Variants in TTC7A observed in about 807,000 individuals in gnomAD.
The protein encoded by TTC7A is tetratricopeptide repeat domain 7A.
Under a neutral mutation model 103.7 loss-of-function variants are expected in TTC7A, and 110 were observed. That is an observed-to-expected ratio of 1.06 (90% CI 0.91 to 1.24). The LOEUF (loss-of-function observed/expected upper bound fraction) is 1.24, where lower values mean the gene tolerates loss of function less well. TTC7A is among the 50% of genes most tolerant of loss of function. The pLI is 0.00. For missense variants in TTC7A, 1,340 were observed against 1,116.3 expected (o/e 1.20, Z -2.86); for synonymous variants, 521 against 467.9 (o/e 1.11, Z -1.47).
At chr2:46,928,552 T>A (rs1245005396) in intron 2 of TTC7A, among the ~76,000 whole-genome samples, 1 of 151,470 alleles carries the variant, frequency 6.6e-6, no homozygotes, top group African/African-American at 2.4e-5. Context: ...GGTGGATTGC[T>A]GGAACTCAGG....
chr2:47,055,736 G>T (rs1411468805), intron 18 of TTC7A, among the ~76,000 whole-genome samples: 9 of 152,182 alleles, frequency 5.9e-5, no homozygotes, highest in Admixed American at 5.2e-4. Context: ...CAGCTCCCCA[G>T]TGCCAGACTC....
At chr2:46,949,442 A>G (rs1319401747) in intron 1 of TTC7A, among the ~76,000 whole-genome samples, 2 of 152,108 alleles carry the variant, frequency 1.3e-5, no homozygotes, top group East Asian at 3.9e-4. Flanking sequence ...CATGTTGGCC[A>G]GGCTGGTCTC....
At chr2:47,061,818 A>G (rs1291899206) in intron 19 of TTC7A, among the ~76,000 whole-genome samples, 1 of 152,020 alleles carries the variant, frequency 6.6e-6, no homozygotes, top group Non-Finnish European at 1.5e-5. Flanking sequence ...GAGAACATGT[A>G]TCCGGATAAA....
intron 3 of TTC7A, among the ~76,000 whole-genome samples, chr2:46,970,491 C>G (rs72806537): frequency 0.062 from 9,455 of 152,318 alleles, 309 homozygotes; most frequent in Non-Finnish European, 0.072. Context: ...CTGGCATCAC[C>G]CATCCCAGTG....
chr2:47,058,840 T>G (rs1207263564), intron 18 of TTC7A, among the ~76,000 whole-genome samples: 1 of 152,024 alleles, frequency 6.6e-6, no homozygotes, highest in Non-Finnish European at 1.5e-5. Context: ...TTGGAGAAAC[T>G]GCCCCATTTC....
chr2:47,067,654 G>A (rs1156323648), intron 19 of TTC7A, among the ~76,000 whole-genome samples: 1 of 152,226 alleles, frequency 6.6e-6, no homozygotes, highest in Non-Finnish European at 1.5e-5. Context: ...GTCCCACTTT[G>A]CCTTCACTCA....
intron 16 of TTC7A, among the ~76,000 whole-genome samples, 174 bp downstream of exon 16, chr2:47,046,605 T>G (rs1682347496): frequency 6.6e-6 from 1 of 152,230 alleles, no homozygotes; most frequent in Admixed American, 6.5e-5. Context: ...TTGAACCTCC[T>G]GACAGTCCTC....
chr2:46,950,935 T>C (rs1671353950), intron 2 of TTC7A, among the ~76,000 whole-genome samples: 1 of 152,252 alleles, frequency 6.6e-6, no homozygotes, highest in Admixed American at 6.5e-5. Flanking sequence ...ACACATGTGG[T>C]TCACATTTGT....
At chr2:46,970,176 G>A (rs970831364) in intron 3 of TTC7A, among the ~76,000 whole-genome samples, 11 of 152,118 alleles carry the variant, frequency 7.2e-5, no homozygotes, top group East Asian at 5.8e-4. Context: ...TTTTGGGGGG[G>A]ACGGGGTTTC....
At chr2:46,983,348 C>T (rs1017107524) in intron 5 of TTC7A, among the ~76,000 whole-genome samples, 6 of 152,206 alleles carry the variant, frequency 3.9e-5, no homozygotes, top group South Asian at 2.1e-4. Flanking sequence ...GATCCTTTTT[C>T]GGTTGCTGAG....
rs926694413 is a variant in TTC7A, at chr2:47,050,065, G to A, written c.2017+19G>A. The A allele has an allele frequency of 3.1e-6, 5 of 1,597,334 alleles. No homozygotes were observed. The highest frequency in any genetic ancestry group is 4.3e-6 in the Non-Finnish European group (5 of 1,165,226). On this transcript the variant is annotated intron_variant, in intron 17 of 19. Transcript: ENST00000319190. ...GACTCTGGTAAGAACGAGCTCCTTG[G>A]GCCACTGTGTGCATGGACCCACAGC...
intron 3 of TTC7A, among the ~76,000 whole-genome samples, chr2:46,972,807 T>G (rs735887): frequency 0.62 from 94,715 of 152,094 alleles, 29,889 homozygotes; most frequent in East Asian, 0.74. Flanking sequence ...GAGGTGCTGT[T>G]CTAGGGTTGT....
chr2:47,046,500 G>A, intron 16 of TTC7A, 69 bp downstream of exon 16: 2 of 1,249,608 alleles, frequency 1.6e-6, no homozygotes, highest in Non-Finnish European at 1.2e-6. Context: ...ACAGCTGGGT[G>A]GCCACCATGC....
intron 2 of TTC7A, among the ~76,000 whole-genome samples, chr2:46,953,869 C>T (rs1025350708): frequency 7.2e-5 from 10 of 138,328 alleles, no homozygotes; most frequent in African/African-American, 2.7e-4. Context: ...TACTGTGTTT[C>T]TCAGGCTGGT....
intron 6 of TTC7A, among the ~76,000 whole-genome samples, 183 bp downstream of exon 6, chr2:46,993,711 C>G (rs961663130): frequency 2.6e-5 from 4 of 152,128 alleles, no homozygotes; most frequent in African/African-American, 9.7e-5. Flanking sequence ...GGCCTCTTTC[C>G]CCCCGCGGCA....
chr2:47,050,213 A>C (rs1177166673), intron 17 of TTC7A, 167 bp downstream of exon 17: 4 of 625,554 alleles, frequency 6.4e-6, no homozygotes, highest in Non-Finnish European at 1.1e-5. Context: ...GGCTCTGGGT[A>C]GGGGCTGGCT....
At chr2:46,969,972 G>T (rs1673210873) in intron 3 of TTC7A, among the ~76,000 whole-genome samples, 1 of 152,184 alleles carries the variant, frequency 6.6e-6, no homozygotes, top group Admixed American at 6.5e-5. Flanking sequence ...CAGGGTTTCA[G>T]AGAAGAGGTG....
At chr2:46,964,376 G>A (rs368541527) in intron 3 of TTC7A, among the ~76,000 whole-genome samples, 12 of 152,166 alleles carry the variant, frequency 7.9e-5, no homozygotes, top group Non-Finnish European at 1.8e-4. Context: ...GATTGGGAAT[G>A]AGTGTGAGGG....
At chr2:47,046,520 T>G in intron 16 of TTC7A, 89 bp downstream of exon 16, 1 of 993,278 alleles carries the variant, frequency 1.0e-6, no homozygotes, top group Non-Finnish European at 1.6e-6. Flanking sequence ...CCTGCCAAGA[T>G]GGGGAGGAGA....
Sources: allele counts gnomAD v4.1 joint callset (sites outside exome capture counted in the v4.1 genomes callset), GRCh38; gene constraint gnomAD v4.1.1; transcripts MANE v1.5; gene names NCBI Gene and HGNC (gene_info 2026-07-23, HGNC 2026-07-21).